The following ARHGAP15 variants were observed in gnomAD, a reference collection of about 807,000 sequenced individuals.
ARHGAP15 encodes Rho GTPase activating protein 15.
Under a neutral mutation model 63.7 loss-of-function variants are expected in ARHGAP15, and 51 were observed. That is an observed-to-expected ratio of 0.80 (90% CI 0.64 to 1.01). ARHGAP15 has a LOEUF of 1.01. Ranked by LOEUF, ARHGAP15 falls within the 50% of genes least tolerant of loss-of-function variation. The pLI, the probability that ARHGAP15 is intolerant of heterozygous loss-of-function variation, is 0.00. For missense variants in ARHGAP15, 560 were observed against 564.6 expected, an observed-to-expected ratio of 0.99 and a Z score of 0.08; for synonymous variants, 191 against 193.8, an observed-to-expected ratio of 0.99 and a Z score of 0.12.
chr2:143,212,066 C>A (rs1482538037), intron 3 of ARHGAP15, among the ~76,000 whole-genome samples: 3 of 152,068 alleles, frequency 2.0e-5, no homozygotes, highest in Non-Finnish European at 2.9e-5. Context: ...TTTAACAGAA[C>A]CCTTTGGTGG....
At chr2:143,290,929 A>G (rs1221278050) in intron 6 of ARHGAP15, among the ~76,000 whole-genome samples, 1 of 152,134 alleles carries the variant, frequency 6.6e-6, no homozygotes, top group African/African-American at 2.4e-5. Context: ...TGGTCAAGAA[A>G]TAAGAGATTT....
At chr2:143,672,417 G>C (rs1454180040) in intron 12 of ARHGAP15, among the ~76,000 whole-genome samples, 1 of 152,180 alleles carries the variant, frequency 6.6e-6, no homozygotes, top group Non-Finnish European at 1.5e-5. Flanking sequence ...GCCCAACTAT[G>C]AGACAAATGC....
At chr2:143,264,843 C>G (rs1403857760) in intron 6 of ARHGAP15, among the ~76,000 whole-genome samples, 1 of 152,064 alleles carries the variant, frequency 6.6e-6, no homozygotes. Flanking sequence ...GATAATGAGA[C>G]CACAGTTCTT....
At chr2:143,571,599 C>T (rs1360316167) in intron 11 of ARHGAP15, among the ~76,000 whole-genome samples, 1 of 152,172 alleles carries the variant, frequency 6.6e-6, no homozygotes, top group Non-Finnish European at 1.5e-5. Context: ...GAATAATTCC[C>T]TTTAAATAGC....
rs1488054795 is a variant in ARHGAP15, at chr2:143,527,157, A to G, written c.925+7793A>G. On this transcript the variant is annotated intron_variant, in intron 10 of 13. Coordinates refer to ENST00000295095, the MANE Select transcript of ARHGAP15 (RefSeq NM_018460.4). ...AGGGATTTTTATACTTTCAAATTGT[A>G]TACTCAATTTAAGCATTAATCAATT... 2.6e-5 allele frequency among the ~76,000 whole-genome samples: 4 copies of G among 152,118 alleles called. No individual in the cohort carries two copies. In the South Asian group the frequency reaches 6.2e-4, roughly 24 times the overall value.
At chr2:143,464,739 T>C (rs891958327) in intron 8 of ARHGAP15, among the ~76,000 whole-genome samples, 29 of 152,176 alleles carry the variant, frequency 1.9e-4, no homozygotes, top group African/African-American at 6.8e-4. Context: ...AGATTTCTAT[T>C]ATAGGCTGTA....
chr2:143,554,557 T>A (rs1695707371), intron 10 of ARHGAP15, among the ~76,000 whole-genome samples: 1 of 152,132 alleles, frequency 6.6e-6, no homozygotes, highest in South Asian at 2.1e-4. Context: ...GTACAATTTT[T>A]AATATTTTTA....
At chr2:143,640,150 G>A (rs1393917439) in intron 12 of ARHGAP15, among the ~76,000 whole-genome samples, 4 of 152,056 alleles carry the variant, frequency 2.6e-5, no homozygotes, top group East Asian at 1.9e-4. Flanking sequence ...TGGAGTAGGA[G>A]ACATTTCTTA....
At chr2:143,362,756 G>T (rs1032144433) in intron 6 of ARHGAP15, among the ~76,000 whole-genome samples, 2 of 152,018 alleles carry the variant, frequency 1.3e-5, no homozygotes, top group African/African-American at 4.8e-5. Flanking sequence ...AAAAATCTAG[G>T]ATTCATTCGT....
intron 6 of ARHGAP15, among the ~76,000 whole-genome samples, chr2:143,387,983 G>T (rs1315045118): frequency 2.6e-5 from 4 of 151,682 alleles, no homozygotes; most frequent in Non-Finnish European, 5.9e-5. Flanking sequence ...CTCTTAAACA[G>T]GCCCACTGAA....
At chr2:143,412,466 C>T (rs947129044) in intron 6 of ARHGAP15, among the ~76,000 whole-genome samples, 1 of 152,030 alleles carries the variant, frequency 6.6e-6, no homozygotes, top group Non-Finnish European at 1.5e-5. Flanking sequence ...CAGAATCAAC[C>T]TCAAATTGTT....
chr2:143,167,880 T>A (rs1011047412), intron 2 of ARHGAP15, among the ~76,000 whole-genome samples: 18 of 152,132 alleles, frequency 1.2e-4, no homozygotes, highest in African/African-American at 4.1e-4. Flanking sequence ...TGTGGTGTTT[T>A]CCTGCAGGTT....
chr2:143,660,996 G>C (rs985436357), intron 12 of ARHGAP15, among the ~76,000 whole-genome samples: 3 of 152,184 alleles, frequency 2.0e-5, no homozygotes, highest in Non-Finnish European at 4.4e-5. Context: ...AGGCTCTAGG[G>C]AGAACCCATG....
intron 6 of ARHGAP15, among the ~76,000 whole-genome samples, chr2:143,329,852 G>C (rs1371133370): frequency 6.7e-6 from 1 of 149,858 alleles, no homozygotes; most frequent in African/African-American, 2.5e-5. Context: ...TGAAGCTGTG[G>C]AGCCACTCTA....
intron 8 of ARHGAP15, among the ~76,000 whole-genome samples, chr2:143,456,841 C>G (rs113007219): frequency 6.6e-6 from 1 of 151,758 alleles, no homozygotes; most frequent in Non-Finnish European, 1.5e-5. Flanking sequence ...TTTTGAAAGA[C>G]AGATTTGTGC....
chr2:143,359,569 C>T (rs574730895), intron 6 of ARHGAP15, among the ~76,000 whole-genome samples: 4 of 152,212 alleles, frequency 2.6e-5, no homozygotes, highest in African/African-American at 7.2e-5. Context: ...CTTCCAAAAT[C>T]GATGCAAAGA....
At chr2:143,174,020 T>G (rs1444288031) in intron 2 of ARHGAP15, among the ~76,000 whole-genome samples, 1 of 152,104 alleles carries the variant, frequency 6.6e-6, no homozygotes, top group Non-Finnish European at 1.5e-5. Context: ...ACGATGTGAT[T>G]GTGGCGACTG....
intron 8 of ARHGAP15, among the ~76,000 whole-genome samples, chr2:143,479,728 C>CA (rs2105210300): frequency 6.6e-6 from 1 of 151,842 alleles, no homozygotes; most frequent in South Asian, 2.1e-4. Flanking sequence ...TGAATCTTTA[C>CA]ATTTTACACT....
At chr2:143,691,721 T>G (rs1234206619) in intron 12 of ARHGAP15, among the ~76,000 whole-genome samples, 1 of 152,250 alleles carries the variant, frequency 6.6e-6, no homozygotes, top group Non-Finnish European at 1.5e-5. Context: ...TATTCATTAA[T>G]AATTTCACTG....
Sources: allele counts gnomAD v4.1 joint callset (sites outside exome capture counted in the v4.1 genomes callset), GRCh38; gene constraint gnomAD v4.1.1; transcripts MANE v1.5; gene names NCBI Gene and HGNC (gene_info 2026-07-23, HGNC 2026-07-21).